FREM3: variants seen among roughly 807,000 people sequenced by gnomAD.
FREM3 encodes FRAS1 related extracellular matrix 3.
A neutral mutation model predicts 129.1 loss-of-function variants in FREM3; 105 were observed. The observed-to-expected ratio is 0.81, with a 90% CI of 0.69 to 0.96. The LOEUF (loss-of-function observed/expected upper bound fraction) is 0.96, where lower values mean the gene tolerates loss of function less well. FREM3 is among the 40% of genes least tolerant of loss of function. The pLI is 0.00. For missense variants in FREM3, 2,593 were observed against 2,666.3 expected, an observed-to-expected ratio of 0.97 and a Z score of 0.61; for synonymous variants, 1,014 against 1,044.9, an observed-to-expected ratio of 0.97 and a Z score of 0.57.
chr4:143,651,834 G>A (rs1297493924), intron 2 of FREM3, among the ~76,000 whole-genome samples: 6 of 152,168 alleles, frequency 3.9e-5, no homozygotes, highest in Non-Finnish European at 8.8e-5. Context: ...GATGACATAG[G>A]TCACTTTCAT....
rs1162340646 is a variant in FREM3, at chr4:143,625,635, G to A, written c.5423-1297C>T. ...AATGGTGTCCTCAGCCAAAGCTTAG[G>A]TAGAGCTAAGTGGAGCTGCTATAGG... is the stretch of plus-strand genomic sequence containing the variant. On this transcript the variant is annotated intron_variant, in intron 3 of 7. Coordinates refer to ENST00000329798, the MANE Select transcript of FREM3 (RefSeq NM_001168235.2). Among the ~76,000 whole-genome samples, 5 of 152,304 alleles carry A rather than the reference G, an allele frequency of 3.3e-5. No homozygotes were observed. The East Asian group carries it at 9.7e-4, about 29-fold the overall frequency.
rs1408211906 is a variant in FREM3, at chr4:143,695,813, G to A, written c.4863C>T (p.Ser1621=). ...DGSETTEDSF[S]LTVTDGTHTD... is the part of the protein sequence containing the mutation. ...TGTGAGTGCCGTCTGTCACAGTCAA[G>A]GAGAAACTATCTTCAGTGGTCTCAC... Residue 1621 remains serine (S), a synonymous_variant, in exon 1 of 8, where the codon TCC becomes TCT. Transcript: ENST00000329798. 1.3e-6 allele frequency: 2 copies of A among 1,537,262 alleles called. No individual in the cohort carries two copies. Among genetic ancestry groups the A allele is most frequent in the Non-Finnish European group, 1.7e-6 (2 of 1,146,912 alleles).
In FREM3 at chr4:143,584,193, A is replaced by G. The variant is rs375470666; in HGVS notation, c.6178+1651T>C. Among the ~76,000 whole-genome samples the G allele has an allele frequency of 1.2e-3, 182 of 152,150 alleles. 2 individuals carry two copies. The highest frequency in any genetic ancestry group is 4.1e-3 in the African/African-American group (172 of 41,482). On this transcript the variant is annotated intron_variant, in intron 7 of 7. Coordinates refer to ENST00000329798, the MANE Select transcript of FREM3 (RefSeq NM_001168235.2). ...GGGAGGCCGAGGCGGGTGGATCATG[A>G]GGTCAGGAGATCGAGACCATCCTGG...
chr4:143,688,777 A>G (rs1048326032), intron 2 of FREM3, among the ~76,000 whole-genome samples: 1 of 152,200 alleles, frequency 6.6e-6, no homozygotes, highest in Non-Finnish European at 1.5e-5. Context: ...CAGTGGGGAA[A>G]GGACACCCTT....
intron 7 of FREM3, among the ~76,000 whole-genome samples, chr4:143,579,377 T>G (rs544567018): frequency 6.6e-6 from 1 of 152,206 alleles, no homozygotes; most frequent in Admixed American, 6.5e-5. Flanking sequence ...CAATTGAACC[T>G]GGGAAGCAGA....
chr4:143,676,209 C>A (rs1244069608), intron 2 of FREM3, among the ~76,000 whole-genome samples: 1 of 152,086 alleles, frequency 6.6e-6, no homozygotes, highest in Non-Finnish European at 1.5e-5. Flanking sequence ...AAGTGGGCTT[C>A]ATCCCTGGGA....
At chr4:143,608,570 G>A (rs1326389671) in intron 6 of FREM3, among the ~76,000 whole-genome samples, 2 of 152,152 alleles carry the variant, frequency 1.3e-5, no homozygotes, top group African/African-American at 2.4e-5. Flanking sequence ...TAGAATAATT[G>A]AAGGTCAGAC....
chr4:143,600,961 GTCT>G (rs1380226356), intron 6 of FREM3, among the ~76,000 whole-genome samples: 3 of 130,220 alleles, frequency 2.3e-5, no homozygotes, highest in Non-Finnish European at 5.0e-5. Context: ...TGTTTCTAAA[GTCT>G]TTTTTTTTTT....
chr4:143,620,871 G>A (rs1441384636), intron 5 of FREM3, among the ~76,000 whole-genome samples, 166 bp downstream of exon 5: 1 of 152,164 alleles, frequency 6.6e-6, no homozygotes, highest in Non-Finnish European at 1.5e-5. Flanking sequence ...TAGGGCACCT[G>A]CACAGAGTCA....
At chr4:143,599,507 T>G (rs1738537159) in intron 6 of FREM3, among the ~76,000 whole-genome samples, 1 of 152,170 alleles carries the variant, frequency 6.6e-6, no homozygotes, top group South Asian at 2.1e-4. Flanking sequence ...GCAGAAGATA[T>G]TTCTGCATTG....
intron 6 of FREM3, among the ~76,000 whole-genome samples, chr4:143,605,014 A>C (rs763700440): frequency 1.3e-5 from 2 of 152,196 alleles, no homozygotes; most frequent in African/African-American, 4.8e-5. Context: ...GTAGGATAGA[A>C]GGCAAGGGTA....
intron 5 of FREM3, among the ~76,000 whole-genome samples, chr4:143,613,274 A>T (rs550464716): frequency 2.2e-4 from 33 of 152,344 alleles, no homozygotes; most frequent in African/African-American, 7.9e-4. Flanking sequence ...GCAGAAACTG[A>T]TCAAAATGGA....
At position 143,696,537 on chromosome 4, in the gene FREM3, A is replaced by G. The variant is rs1740572479; in HGVS notation, c.4139T>C (p.Ile1380Thr). The change falls in exon 1 of 8, where the codon ATT (isoleucine) becomes ACT (threonine). Residue 1380 changes from isoleucine (I) to threonine (T), a missense_variant. Coordinates refer to ENST00000329798, the MANE Select transcript of FREM3 (RefSeq NM_001168235.2). ...TLGMNFTQDE[I>T]NRGLICYIHT... ...GATATAGCAGATGAGGCCTCTGTTA[A>G]TCTCATCCTGGGTAAAGTTCATTCC... The G allele has an allele frequency of 2.0e-6, 3 of 1,537,316 alleles. No homozygotes were observed. Among genetic ancestry groups the G allele is most frequent in the African/African-American group, 1.4e-5 (1 of 73,034 alleles).
At chr4:143,632,864 T>C (rs1167588652) in intron 2 of FREM3, among the ~76,000 whole-genome samples, 1 of 152,140 alleles carries the variant, frequency 6.6e-6, no homozygotes, top group Non-Finnish European at 1.5e-5. Context: ...CGAATTTGTG[T>C]TGAACCACAT....
chr4:143,675,259 T>C (rs1392928220), intron 2 of FREM3, among the ~76,000 whole-genome samples: 1 of 152,098 alleles, frequency 6.6e-6, no homozygotes, highest in East Asian at 1.9e-4. Flanking sequence ...CTCAACTACA[T>C]GGAAACTGAA....
chr4:143,584,351 G>A (rs1442616679), intron 7 of FREM3, among the ~76,000 whole-genome samples: 1 of 149,212 alleles, frequency 6.7e-6, no homozygotes, highest in Non-Finnish European at 1.5e-5. Flanking sequence ...GGAGCTTGCA[G>A]TAAGCCGAGA....
chr4:143,657,831 C>T (rs2149850869), intron 2 of FREM3, among the ~76,000 whole-genome samples: 1 of 152,020 alleles, frequency 6.6e-6, no homozygotes, highest in African/African-American at 2.4e-5. Flanking sequence ...AACTTCATAC[C>T]CAACACTTCC....
In FREM3 at chr4:143,663,383, C is replaced by A. The variant is rs1446961822; in HGVS notation, c.5275+29730G>T. On this transcript the variant is annotated intron_variant, in intron 2 of 7. Transcript: ENST00000329798. Reference sequence around the variant, plus strand: ...GATATGAAATTCTGGATTGAAAATTCTTTTCTTTAAGAATGTTGAATATTG... The same window carrying A: ...GATATGAAATTCTGGATTGAAAATTATTTTCTTTAAGAATGTTGAATATTG... Among the ~76,000 whole-genome samples the A allele has an allele frequency of 5.3e-5, 8 of 152,082 alleles. No individual in the cohort carries two copies. In the East Asian group the frequency reaches 9.6e-4, roughly 18 times the overall value.
intron 2 of FREM3, chr4:143,644,951 T>G (rs1328697759): frequency 6.6e-6 from 1 of 152,184 alleles, no homozygotes; most frequent in Non-Finnish European, 1.5e-5. Flanking sequence ...AAATTATTAT[T>G]ACCATAATTT....
Sources: allele counts gnomAD v4.1 joint callset (sites outside exome capture counted in the v4.1 genomes callset), GRCh38; gene constraint gnomAD v4.1.1; transcripts MANE v1.5; gene names NCBI Gene and HGNC (gene_info 2026-07-23, HGNC 2026-07-21).